The following RPP38 variants were observed in gnomAD, a reference collection of about 807,000 sequenced individuals.
RPP38 encodes ribonuclease P/MRP subunit p38, also known as ribonuclease P protein subunit p38.
A neutral mutation model predicts 1.7 loss-of-function variants in RPP38; 2 were observed. The ratio of observed to expected loss-of-function variants is 1.18; its 90% CI spans 0.48 to 3.70. The LOEUF is 3.70. Among genes scored for constraint, RPP38 ranks in the 30% most tolerant of loss-of-function variants. The probability of loss-of-function intolerance (pLI) is 0.07; values close to 1 mark genes in which losing one functional copy is unlikely to be tolerated. For missense variants in RPP38, 358 were observed against 340.1 expected, an observed-to-expected ratio of 1.05 and a Z score of -0.41; for synonymous variants, 151 against 131.8, an observed-to-expected ratio of 1.15 and a Z score of -1.00.
chr10:15,101,584 C>T (rs922307556), intron 1 of RPP38, among the ~76,000 whole-genome samples: 3 of 152,086 alleles, frequency 2.0e-5, no homozygotes, highest in Admixed American at 6.6e-5. Context: ...GAAGTCAGCT[C>T]GGGGTCCCCC....
intron 1 of RPP38, among the ~76,000 whole-genome samples, chr10:15,099,651 G>C (rs949619203): frequency 6.6e-6 from 1 of 151,868 alleles, no homozygotes; most frequent in Admixed American, 6.6e-5. Flanking sequence ...GCTAATTTTT[G>C]TATTTTTAGT....
chr10:15,103,403 TC>T lies in RPP38; in HGVS notation c.90del (p.Ile31SerfsTer42), dbSNP rs1435549274. On this transcript the variant is annotated frameshift_variant, in exon 3 of 3. Transcript: ENST00000378197. LOFTEE classifies it low-confidence loss of function (END_TRUNC). ...AAGACGTCGTTGAACAACCCATACA[TC>T]ATCCGCTGGAGCGCTCTGGAGAGCG... ...VVKTSLNNPYIIRWSALESED... is the reference protein window; with the variant it reads ...VVKTSLNNPYXIRWSALESED... 1.2e-6 allele frequency: 2 copies of T among 1,614,056 alleles called. No homozygotes were observed. Among genetic ancestry groups the T allele is most frequent in the African/African-American group, 1.3e-5 (1 of 74,928 alleles).
intron 1 of RPP38, among the ~76,000 whole-genome samples, chr10:15,101,632 T>G (rs984604216): frequency 1.3e-5 from 2 of 152,180 alleles, no homozygotes; most frequent in Non-Finnish European, 1.5e-5. Flanking sequence ...GGCTCGTTCC[T>G]GTAATCCCAG....
Position 15,104,244 on chromosome 10 carries a change from T to TA in RPP38, c.*79dup, listed in dbSNP as rs1845224833. The stretch of plus-strand genomic sequence containing the variant: ...AAGCCTTGAAACTAATAAAATGAGT[T>TA]ATACTTACATAGATTCATAGGGTCC... On this transcript the variant is annotated 3_prime_UTR_variant, in exon 3 of 3. Coordinates refer to ENST00000378197, the MANE Select transcript of RPP38 (RefSeq NM_183005.5). 2.8e-5 allele frequency: 38 copies of TA among 1,359,190 alleles called. No homozygotes were observed. The South Asian group carries it at 4.5e-4, about 16-fold the overall frequency. 84.2% of individuals were successfully genotyped at this position (1,359,190 alleles called of 1,614,324 possible). A position where few individuals can be genotyped will look rare whatever the true frequency, so the allele number is the denominator to read the frequency against.
rs193115974 is a variant in RPP38 at position 15,097,698 on chromosome 10, C to G, written c.-198C>G. 3.4e-3 allele frequency: 514 copies of G among 152,452 alleles called. 3 individuals carry two copies. Among genetic ancestry groups the G allele is most frequent in the Non-Finnish European group, 5.6e-3 (380 of 68,112 alleles). The allele number at this position is 152,452 out of a possible 1,614,324, so 9.4% of individuals were successfully genotyped here. Reference sequence around the variant, plus strand: ...GAAAACCCCCGCCGGCCCTTCTGTTCTCCACGGTCTCCAAGGAGACACGGA... The same window carrying G: ...GAAAACCCCCGCCGGCCCTTCTGTTGTCCACGGTCTCCAAGGAGACACGGA... On this transcript the variant is annotated 5_prime_UTR_variant, in exon 1 of 3. Transcript: ENST00000378197.
chr10:15,099,292 C>T (rs1845048179), intron 1 of RPP38, among the ~76,000 whole-genome samples: 1 of 151,948 alleles, frequency 6.6e-6, no homozygotes, highest in Admixed American at 6.6e-5. Context: ...GAAAGAGGGC[C>T]TAAGTGGGAG....
chr10:15,100,685 CTT>C (rs772202998), intron 1 of RPP38, among the ~76,000 whole-genome samples: 11 of 143,740 alleles, frequency 7.7e-5, no homozygotes, highest in Non-Finnish European at 1.1e-4. Flanking sequence ...ACGAGGGCAA[CTT>C]TTTTTTTTTT....
rs762568838 is a variant in RPP38, at chr10:15,103,885, G to T, written c.571G>T (p.Asp191Tyr). 2 of 1,614,158 alleles carry T rather than the reference G, an allele frequency of 1.2e-6. No individual in the cohort carries two copies. Among genetic ancestry groups the T allele is most frequent in the South Asian group, 1.1e-5 (1 of 91,072 alleles). Residue 191 changes from aspartate (D) to tyrosine (Y), a missense_variant, in exon 3 of 3, where the codon GAC becomes TAC. Physicochemically the swap from Asp to Tyr is radical, Grantham distance 160 (BLOSUM62 -3). Transcript: ENST00000378197. ...AFKKNTTDFV[D>Y]EVRAIIPRVP... ...CAAAAAGAACACCACTGACTTTGTGGACGAAGTAAGAGCCATCATCCCCAG... is the reference window on the plus strand; with the variant it reads ...CAAAAAGAACACCACTGACTTTGTGTACGAAGTAAGAGCCATCATCCCCAG...
At chr10:15,102,889 T>TCCA (rs1285946165) in intron 2 of RPP38, 1 of 155,592 alleles carries the variant, frequency 6.4e-6, no homozygotes, top group East Asian at 1.9e-4. Flanking sequence ...CTCTAGCTTA[T>TCCA]CCAGAATCAG....
At position 15,103,354 on chromosome 10, in the gene RPP38, C is replaced by A. The variant is rs143355976; in HGVS notation, c.40C>A (p.Arg14Ser). ...APQAPGRGSLRKTRPLVVKTS... is the reference protein window; with the variant it reads ...APQAPGRGSLSKTRPLVVKTS... ...TCAAGCACCGGGGCGGGGATCTCTCCGTAAGACGAGACCTCTGGTTGTGAA... is the reference window on the plus strand; with the variant it reads ...TCAAGCACCGGGGCGGGGATCTCTCAGTAAGACGAGACCTCTGGTTGTGAA... Residue 14 changes from arginine to serine, a missense_variant, in exon 3 of 3, where the codon CGT becomes AGT. Transcript: ENST00000378197. The A allele has an allele frequency of 3.7e-6, 6 of 1,606,078 alleles. No individual in the cohort carries two copies. The African/African-American group carries it at 8.1e-5, about 22-fold the overall frequency.
At chr10:15,100,578 A>T (rs1399556294) in intron 1 of RPP38, among the ~76,000 whole-genome samples, 1 of 151,690 alleles carries the variant, frequency 6.6e-6, no homozygotes, top group East Asian at 1.9e-4. Context: ...AATATCAGAG[A>T]CCAATAGCGC....
At chr10:15,098,265 C>T (rs114515250) in intron 1 of RPP38, among the ~76,000 whole-genome samples, 3,074 of 134,176 alleles carry the variant, frequency 0.023, 122 homozygotes, top group African/African-American at 0.085. Flanking sequence ...ATAGCAGTCG[C>T]CCAGGCTGGA....
At chr10:15,100,934 G>T (rs59978449) in intron 1 of RPP38, among the ~76,000 whole-genome samples, 2,116 of 152,252 alleles carry the variant, frequency 0.014, 53 homozygotes, top group African/African-American at 0.048. Context: ...GCCCGCCTTG[G>T]GCTCCCAATG....
In RPP38 at chr10:15,100,942, A is replaced by G. The variant is rs370219996; in HGVS notation, c.-129-1276A>G. The stretch of plus-strand genomic sequence containing the variant: ...ATGATCCGCCCGCCTTGGGCTCCCA[A>G]TGTGCTTTGGTTACTGGCGTGAGCC... On this transcript the variant is annotated intron_variant, in intron 1 of 2. Transcript: ENST00000378197. Among the ~76,000 whole-genome samples, 32 of 152,214 alleles carry G rather than the reference A, an allele frequency of 2.1e-4. No individual in the cohort carries two copies. In the South Asian group the frequency reaches 2.5e-3, roughly 12 times the overall value.
chr10:15,103,768 C>T lies in RPP38; in HGVS notation c.454C>T (p.Leu152=), dbSNP rs1210787232. 1.2e-6 allele frequency: 2 copies of T among 1,613,822 alleles called. No individual in the cohort carries two copies. The highest frequency in any genetic ancestry group is 1.3e-5 in the African/African-American group (1 of 74,884). Residue 152 remains leucine (L), a synonymous_variant, in exon 3 of 3, where the codon CTA becomes TTA. Transcript: ENST00000378197. ...MITSHLIQLS[L]SRSVPACQVP... is the part of the protein sequence containing the mutation. Reference sequence around the variant, plus strand: ...CACCTCACACTTGATTCAGTTAAGCCTAAGCAGAAGTGTCCCTGCCTGTCA... The same window carrying T: ...CACCTCACACTTGATTCAGTTAAGCTTAAGCAGAAGTGTCCCTGCCTGTCA...
rs942889489 is a variant in RPP38 at position 15,097,600 on chromosome 10, C to G, written c.-296C>G. 6 of 152,304 alleles carry G rather than the reference C, an allele frequency of 3.9e-5. No homozygotes were observed. Among genetic ancestry groups the G allele is most frequent in the Admixed American group, 2.6e-4 (4 of 15,290 alleles). The allele number at this position is 152,304 out of a possible 1,614,324, so 9.4% of individuals were successfully genotyped here. ...CCAGTCCCGGGCCGGGCGCGTGCACCCAGAGCTTCCGCGTTTCTAGTCCGG... is the reference window on the plus strand; with the variant it reads ...CCAGTCCCGGGCCGGGCGCGTGCACGCAGAGCTTCCGCGTTTCTAGTCCGG... On this transcript the variant is annotated 5_prime_UTR_variant, in exon 1 of 3. Coordinates refer to ENST00000378197, the MANE Select transcript of RPP38 (RefSeq NM_183005.5).
chr10:15,098,749 G>A (rs1845025282), intron 1 of RPP38, among the ~76,000 whole-genome samples: 1 of 151,706 alleles, frequency 6.6e-6, no homozygotes, highest in Non-Finnish European at 1.5e-5. Context: ...AGCCGGGCGT[G>A]ATGGCCCGTG....
chr10:15,099,543 C>T (rs1019413752), intron 1 of RPP38, among the ~76,000 whole-genome samples: 69 of 150,848 alleles, frequency 4.6e-4, no homozygotes, highest in African/African-American at 1.6e-3. Flanking sequence ...GGTGCAATTA[C>T]GGCTCATTGC....
rs569325911 is a variant in RPP38 at position 15,098,174 on chromosome 10, C to T, written c.-130+408C>T. 2.6e-5 allele frequency among the ~76,000 whole-genome samples: 4 copies of T among 151,438 alleles called. No individual in the cohort carries two copies. The South Asian group carries it at 8.4e-4, about 32-fold the overall frequency. On this transcript the variant is annotated intron_variant, in intron 1 of 2. Transcript: ENST00000378197. ...TCCTTACCCACCTTTCCTAGTTTCT[C>T]ACCGCTTTCTCTAGCATCTCTGCCC...
Sources: gnomAD v4.1 joint callset for allele counts (sites outside exome capture counted in the v4.1 genomes callset) on GRCh38, gnomAD v4.1.1 for gene constraint, MANE v1.5 for transcripts, NCBI Gene and HGNC (gene_info 2026-07-23, HGNC 2026-07-21) for gene names.